The following NBEA variants were observed in gnomAD, a reference collection of about 807,000 sequenced individuals.
The protein encoded by NBEA is lysosomal-trafficking regulator 2.
NBEA carries 44 observed loss-of-function variants against 343.4 expected under a neutral mutation model. The observed-to-expected ratio is 0.13, with a 90% CI of 0.10 to 0.16. NBEA has a LOEUF of 0.16. Ranked by LOEUF, NBEA falls within the 10% of genes least tolerant of loss-of-function variation. The pLI, the probability that NBEA is intolerant of heterozygous loss-of-function variation, is 1.00. For synonymous variants in NBEA, 1,175 were observed against 1,238.7 expected, an observed-to-expected ratio of 0.95 and a Z score of 1.08; for missense variants, 2,555 against 3,631.3, an observed-to-expected ratio of 0.70 and a Z score of 7.62.
intron 34 of NBEA, among the ~76,000 whole-genome samples, chr13:35,279,800 G>A (rs969651230): frequency 2.6e-5 from 4 of 151,878 alleles, no homozygotes; most frequent in Non-Finnish European, 4.4e-5. Context: ...ATTAGGTAGC[G>A]TTACCACAAC....
At chr13:35,437,453 T>C (rs549648554) in intron 39 of NBEA, among the ~76,000 whole-genome samples, 1 of 152,292 alleles carries the variant, frequency 6.6e-6, no homozygotes, top group African/African-American at 2.4e-5. Context: ...ATGGAGTTTT[T>C]CATGCTTTTT....
In NBEA at chr13:35,372,504, A is replaced by G. The variant is rs149113532; in HGVS notation, c.6179+20181A>G. Among the ~76,000 whole-genome samples, 29 of 152,228 alleles carry G rather than the reference A, an allele frequency of 1.9e-4. 1 individual carries two copies. The East Asian group carries it at 5.6e-3, about 29-fold the overall frequency. On this transcript the variant is annotated intron_variant, in intron 38 of 58. Coordinates refer to ENST00000379939, the MANE Select transcript of NBEA (RefSeq NM_001385012.1). ...TCAAGTATCCTGGTGATACATGCAT[A>G]TGCTGGCTGAGGTAGACAGGGAGGG... is the stretch of plus-strand genomic sequence containing the variant.
chr13:35,399,281 A>C (rs1448685197), intron 38 of NBEA, among the ~76,000 whole-genome samples: 1 of 152,102 alleles, frequency 6.6e-6, no homozygotes, highest in African/African-American at 2.4e-5. Context: ...GTGTTTTCAC[A>C]CTGTTTTAAA....
chr13:35,033,894 G>C (rs995239749), intron 1 of NBEA, among the ~76,000 whole-genome samples: 1 of 151,400 alleles, frequency 6.6e-6, no homozygotes, highest in African/African-American at 2.4e-5. Flanking sequence ...TATTCTAATA[G>C]TTTTCTTGTG....
At chr13:35,296,420 T>G (rs2152822105) in intron 35 of NBEA, among the ~76,000 whole-genome samples, 1 of 151,948 alleles carries the variant, frequency 6.6e-6, no homozygotes, top group Non-Finnish European at 1.5e-5. Flanking sequence ...ACAGTCTTTT[T>G]TTTCTTATGT....
chr13:35,237,967 C>T (rs931838655), intron 34 of NBEA, among the ~76,000 whole-genome samples: 1 of 152,132 alleles, frequency 6.6e-6, no homozygotes, highest in Non-Finnish European at 1.5e-5. Context: ...TAAGACCATT[C>T]ATTAACAGTA....
At chr13:35,588,637 C>G (rs1448675644) in intron 46 of NBEA, among the ~76,000 whole-genome samples, 1 of 152,130 alleles carries the variant, frequency 6.6e-6, no homozygotes, top group Non-Finnish European at 1.5e-5. Flanking sequence ...GTTTTCCTGA[C>G]AGCTGCCATT....
At chr13:34,946,843 T>G (rs1409782637) in intron 1 of NBEA, among the ~76,000 whole-genome samples, 4 of 151,014 alleles carry the variant, frequency 2.6e-5, no homozygotes, top group African/African-American at 7.3e-5. Context: ...AGGGTAACTT[T>G]AAGGTTTTTT....
At chr13:35,024,670 A>G (rs1024571285) in intron 1 of NBEA, among the ~76,000 whole-genome samples, 5 of 152,028 alleles carry the variant, frequency 3.3e-5, no homozygotes, top group African/African-American at 1.2e-4. Flanking sequence ...ACAGAGCAAA[A>G]CTCTGTCTCA....
chr13:35,104,345 T>C (rs563090585), intron 11 of NBEA, among the ~76,000 whole-genome samples: 1 of 152,082 alleles, frequency 6.6e-6, no homozygotes, highest in South Asian at 2.1e-4. Context: ...TTTATATTTT[T>C]TACTAATTTT....
intron 45 of NBEA, among the ~76,000 whole-genome samples, chr13:35,568,900 A>T (rs1177789636): frequency 1.3e-5 from 2 of 152,178 alleles, no homozygotes; most frequent in Non-Finnish European, 2.9e-5. Context: ...TTCAAATCCT[A>T]ATTCTGCCAT....
At chr13:35,003,589 C>T (rs2061218167) in intron 1 of NBEA, among the ~76,000 whole-genome samples, 1 of 152,032 alleles carries the variant, frequency 6.6e-6, no homozygotes, top group African/African-American at 2.4e-5. Flanking sequence ...ATAAAAATTC[C>T]ATTTCAGTTC....
intron 34 of NBEA, among the ~76,000 whole-genome samples, chr13:35,244,904 G>A (rs2152781442): frequency 6.6e-6 from 1 of 152,088 alleles, no homozygotes; most frequent in Non-Finnish European, 1.5e-5. Context: ...TCTCGGCCTG[G>A]TCACTGTTGG....
chr13:34,960,240 A>T (rs2059618869), intron 1 of NBEA, among the ~76,000 whole-genome samples: 1 of 152,154 alleles, frequency 6.6e-6, no homozygotes, highest in African/African-American at 2.4e-5. Context: ...TAAAAAGTAA[A>T]CATAGAAAAA....
chr13:34,990,763 A>G (rs1300971919), intron 1 of NBEA, among the ~76,000 whole-genome samples: 1 of 152,176 alleles, frequency 6.6e-6, no homozygotes, highest in Non-Finnish European at 1.5e-5. Context: ...GTCAGGCTGC[A>G]AATTTTCTTA....
At chr13:34,953,561 A>G (rs1321310871) in intron 1 of NBEA, among the ~76,000 whole-genome samples, 1 of 152,122 alleles carries the variant, frequency 6.6e-6, no homozygotes, top group Non-Finnish European at 1.5e-5. Flanking sequence ...TCCTCCCAAC[A>G]TGTACTTTCC....
At chr13:35,196,450 T>G in intron 31 of NBEA, 148 bp downstream of exon 31, 1 of 757,480 alleles carries the variant, frequency 1.3e-6, no homozygotes, top group Non-Finnish European at 2.0e-6. Context: ...CAACCTAATC[T>G]TATAATAAGA....
intron 44 of NBEA, among the ~76,000 whole-genome samples, chr13:35,557,217 G>C (rs151117751): frequency 1.1e-4 from 17 of 152,134 alleles, no homozygotes; most frequent in Non-Finnish European, 1.2e-4. Flanking sequence ...TTGTTTTAAA[G>C]GTCTCTTCTA....
intron 39 of NBEA, among the ~76,000 whole-genome samples, chr13:35,438,399 T>C (rs1036484855): frequency 3.3e-5 from 5 of 152,188 alleles, no homozygotes; most frequent in African/African-American, 7.2e-5. Flanking sequence ...GCAGTGAGAA[T>C]AGAAAAATAC....
Sources: gnomAD v4.1 joint callset for allele counts (sites outside exome capture counted in the v4.1 genomes callset) on GRCh38, gnomAD v4.1.1 for gene constraint, MANE v1.5 for transcripts, NCBI Gene and HGNC (gene_info 2026-07-23, HGNC 2026-07-21) for gene names.